C20orf203: variants seen among roughly 807,000 people sequenced by gnomAD.
C20orf203 encodes chromosome 20 open reading frame 203.
In C20orf203, 16 loss-of-function variants were observed where a neutral mutation model predicts 15.9. That is an observed-to-expected ratio of 1.01 (90% CI 0.68 to 1.53). The LOEUF (loss-of-function observed/expected upper bound fraction) is 1.53, where lower values mean the gene tolerates loss of function less well. C20orf203 is among the 40% of genes most tolerant of loss of function. The pLI is 0.00. For synonymous variants in C20orf203, 98 were observed against 97.2 expected (o/e 1.01, Z -0.05); for missense variants, 263 against 247.5 (o/e 1.06, Z -0.42).
At position 32,650,487 on chromosome 20, in the gene C20orf203, G is replaced by A. The variant is rs757396441; in HGVS notation, c.530C>T (p.Pro177Leu). The part of the protein sequence containing the change: ...LPSLPGKLPA[P>L]LISKQQFLSN... ...GAGAAACTGCTGCTTGCTAATTAAAGGTGCAGGCAACTTGCCTGGCAAGGA... is the reference window on the plus strand; with the variant it reads ...GAGAAACTGCTGCTTGCTAATTAAAAGTGCAGGCAACTTGCCTGGCAAGGA... The change falls in exon 4 of 6, where the codon CCT becomes CTT. Residue 177 changes from proline to leucine, a missense_variant. Physicochemically the swap from Pro to Leu is moderately conservative, Grantham distance 98 (BLOSUM62 -3). Transcript: ENST00000608990. The A allele has an allele frequency of 1.3e-6, 2 of 1,550,610 alleles. No individual in the cohort carries two copies. The highest frequency in any genetic ancestry group is 1.2e-5 in the South Asian group (1 of 84,056).
chr20:32,653,255 T>G (rs1453879309), intron 1 of C20orf203, among the ~76,000 whole-genome samples: 2 of 152,178 alleles, frequency 1.3e-5, no homozygotes, highest in African/African-American at 4.8e-5. Flanking sequence ...GTGACCTGCC[T>G]ACAGTTGCAC....
chr20:32,666,949 T>C (rs1015072357), intron 1 of C20orf203, among the ~76,000 whole-genome samples: 2 of 150,878 alleles, frequency 1.3e-5, no homozygotes, highest in African/African-American at 4.9e-5. Context: ...ACGTACAATT[T>C]GATATATTTT....
rs1328230881 is a variant in C20orf203 at position 32,632,919 on chromosome 20, G to C, written c.*2651C>G. On this transcript the variant is annotated 3_prime_UTR_variant, in exon 6 of 6. Transcript: ENST00000608990. Reference sequence around the variant, plus strand: ...GTTCTGCGTGGCTGGGGAGGCCTCAGGAAACTTACAATCATGGTGGAAGGC... The same window carrying C: ...GTTCTGCGTGGCTGGGGAGGCCTCACGAAACTTACAATCATGGTGGAAGGC... The C allele has an allele frequency of 6.6e-6, 1 of 152,292 alleles. No homozygotes were observed. The highest frequency in any genetic ancestry group is 1.5e-5 in the Non-Finnish European group (1 of 68,120). The allele number at this position is 152,292 out of a possible 1,614,324, so 9.4% of individuals were successfully genotyped here.
intron 2 of C20orf203, 25 bp from the exon 3 acceptor site, chr20:32,651,191 AAAT>A: frequency 5.7e-6 from 3 of 523,200 alleles, no homozygotes; most frequent in South Asian, 7.5e-5. Flanking sequence ...AAAAAAAAAA[AAAT>A]TAGCTGGGTG....
At chr20:32,658,842 A>G (rs1600937477) in intron 1 of C20orf203, among the ~76,000 whole-genome samples, 1 of 147,616 alleles carries the variant, frequency 6.8e-6, no homozygotes, top group Non-Finnish European at 1.5e-5. Context: ...CAAGGCCTAG[A>G]CCCCACTGCG....
At chr20:32,644,147 T>A (rs1207401931) in intron 4 of C20orf203, among the ~76,000 whole-genome samples, 1 of 152,164 alleles carries the variant, frequency 6.6e-6, no homozygotes, top group African/African-American at 2.4e-5. Context: ...GCGAGGAGCC[T>A]TCTAGAAAAA....
At chr20:32,659,468 G>A (rs1338386992) in intron 1 of C20orf203, among the ~76,000 whole-genome samples, 1 of 152,226 alleles carries the variant, frequency 6.6e-6, no homozygotes, top group Non-Finnish European at 1.5e-5. Context: ...TCCTCCTCCT[G>A]ATGACCTGAA....
chr20:32,656,250 T>C (rs951449327), intron 1 of C20orf203, among the ~76,000 whole-genome samples: 4 of 152,212 alleles, frequency 2.6e-5, no homozygotes, highest in Non-Finnish European at 5.9e-5. Context: ...TAGACATTTC[T>C]CCAAAGAAGA....
intron 5 of C20orf203, among the ~76,000 whole-genome samples, chr20:32,639,504 G>A (rs185579376): frequency 6.6e-6 from 1 of 152,236 alleles, no homozygotes; most frequent in East Asian, 1.9e-4. Flanking sequence ...TGAGGAGCAT[G>A]GTGGTGTTGG....
At chr20:32,666,897 C>T (rs1358904699) in intron 1 of C20orf203, among the ~76,000 whole-genome samples, 2 of 146,640 alleles carry the variant, frequency 1.4e-5, no homozygotes, top group African/African-American at 5.0e-5. Context: ...AATCCTCCCA[C>T]CTCGGCCTCT....
rs1465414164 is a variant in C20orf203, at chr20:32,633,795, G to A, written c.*1775C>T. ...GTCGCCCTGACAGCCCCCTCACCGC[G>A]TTGCACTACCTGGTCCCCTGGTCCC... On this transcript the variant is annotated 3_prime_UTR_variant, in exon 6 of 6. Transcript: ENST00000608990. 4 of 375,860 alleles carry A rather than the reference G, an allele frequency of 1.1e-5. No individual in the cohort carries two copies. The highest frequency in any genetic ancestry group is 6.8e-4 in the Middle Eastern group (1 of 1,478). 23.3% of individuals were successfully genotyped at this position (375,860 alleles called of 1,614,324 possible). A position where few individuals can be genotyped will look rare whatever the true frequency, so the allele number is the denominator to read the frequency against.
At position 32,631,709 on chromosome 20, in the gene C20orf203, G is replaced by A. The variant is rs951140560; in HGVS notation, c.*3861C>T. On this transcript the variant is annotated 3_prime_UTR_variant, in exon 6 of 6. Coordinates refer to ENST00000608990, the MANE Select transcript of C20orf203 (RefSeq NM_182584.4). The stretch of plus-strand genomic sequence containing the variant: ...ATGAGAATATTTTCCTGAAATATTC[G>A]TCTGATGCTAAAAATTAAAGAAGAA... 9 of 152,142 alleles carry A rather than the reference G, an allele frequency of 5.9e-5. No homozygotes were observed. Among genetic ancestry groups the A allele is most frequent in the African/African-American group, 1.9e-4 (8 of 41,416 alleles). 9.4% of individuals were successfully genotyped at this position (152,142 alleles called of 1,614,324 possible). A position where few individuals can be genotyped will look rare whatever the true frequency, so the allele number is the denominator to read the frequency against.
At chr20:32,648,611 T>TTGG (rs1190836730) in intron 4 of C20orf203, among the ~76,000 whole-genome samples, 1 of 143,922 alleles carries the variant, frequency 6.9e-6, no homozygotes, top group Non-Finnish European at 1.5e-5. Context: ...TGGCTAATTT[T>TTGG]TTTTTTTTGT....
intron 1 of C20orf203, chr20:32,656,834 A>T (rs1051211149): frequency 1.4e-5 from 2 of 143,156 alleles, no homozygotes; most frequent in African/African-American, 5.2e-5. Flanking sequence ...ACTGCACTCC[A>T]GCCTGGACAA....
intron 4 of C20orf203, among the ~76,000 whole-genome samples, chr20:32,644,488 A>T (rs1352572262): frequency 6.6e-6 from 1 of 152,052 alleles, no homozygotes; most frequent in African/African-American, 2.4e-5. Flanking sequence ...ACACAAAAGA[A>T]AAAGGAGTTG....
Position 32,635,587 on chromosome 20 carries a change from G to T in C20orf203, c.*1300-1317C>A, listed in dbSNP as rs1016973335. 7.2e-5 allele frequency among the ~76,000 whole-genome samples: 11 copies of T among 152,148 alleles called. No homozygotes were observed. In the East Asian group the frequency reaches 1.4e-3, roughly 19 times the overall value. On this transcript the variant is annotated intron_variant, in intron 5 of 5. Coordinates refer to ENST00000608990, the MANE Select transcript of C20orf203 (RefSeq NM_182584.4). Reference sequence around the variant, plus strand: ...CCCCAGCACTTTGGGAGGCTGAGGTGGGGGGATTGCTTGAGCCCAGGAGTT... The same window carrying T: ...CCCCAGCACTTTGGGAGGCTGAGGTTGGGGGATTGCTTGAGCCCAGGAGTT...
chr20:32,665,694 G>A (rs542398912), intron 1 of C20orf203, among the ~76,000 whole-genome samples: 11 of 152,264 alleles, frequency 7.2e-5, no homozygotes, highest in East Asian at 1.9e-4. Flanking sequence ...GGCCAGGTGC[G>A]GTGGCTCATG....
In C20orf203 at chr20:32,650,608, C is replaced by T. The variant is rs1982585740; in HGVS notation, c.409G>A (p.Gly137Arg). Residue 137 changes from glycine to arginine, a missense_variant, in exon 4 of 6, where the codon GGA becomes AGA. By Grantham distance (125) the Gly-to-Arg change is moderately radical. Transcript: ENST00000608990. Reference sequence around the variant, plus strand: ...ACCGTGCCCATTCTGGGCATCCCTCCCATTGCCCTCCCCCGCCCAGCAGGG... The same window carrying T: ...ACCGTGCCCATTCTGGGCATCCCTCTCATTGCCCTCCCCCGCCCAGCAGGG... Reference protein sequence around the residue: ...RAPAGRGRAMGGMPRMGTVGD... With the variant: ...RAPAGRGRAMRGMPRMGTVGD... The T allele has an allele frequency of 6.5e-7, 1 of 1,546,588 alleles. No homozygotes were observed. The highest frequency in any genetic ancestry group is 1.4e-5 in the African/African-American group (1 of 73,090).
In C20orf203 at chr20:32,636,998, A is replaced by G. The variant is rs548852563; in HGVS notation, c.*1300-2728T>C. 2.6e-5 allele frequency among the ~76,000 whole-genome samples: 4 copies of G among 152,322 alleles called. No homozygotes were observed. In the South Asian group the frequency reaches 6.2e-4, roughly 24 times the overall value. Reference sequence around the variant, plus strand: ...GCCGGGAGACAGCAGCCTGAGAGTCACCAGGGGCAGGGGCTGGGCTGCTCT... The same window carrying G: ...GCCGGGAGACAGCAGCCTGAGAGTCGCCAGGGGCAGGGGCTGGGCTGCTCT... On this transcript the variant is annotated intron_variant, in intron 5 of 5. Coordinates refer to ENST00000608990, the MANE Select transcript of C20orf203 (RefSeq NM_182584.4).
Sources: gnomAD v4.1 joint callset for allele counts (sites outside exome capture counted in the v4.1 genomes callset) on GRCh38, gnomAD v4.1.1 for gene constraint, MANE v1.5 for transcripts, NCBI Gene and HGNC (gene_info 2026-07-23, HGNC 2026-07-21) for gene names.